POLR3C: variants seen among roughly 807,000 people sequenced by gnomAD.
The protein encoded by POLR3C is DNA-directed RNA polymerase III subunit RPC3.
POLR3C carries 44 observed loss-of-function variants against 65.9 expected under a neutral mutation model. The ratio of observed to expected loss-of-function variants is 0.67; its 90% CI spans 0.52 to 0.86. The LOEUF (loss-of-function observed/expected upper bound fraction) is 0.86. POLR3C is among the 40% of genes least tolerant of loss of function. The probability of loss-of-function intolerance (pLI) is 0.00; values close to 1 mark genes in which losing one functional copy is unlikely to be tolerated. For synonymous variants in POLR3C, 263 were observed against 231.6 expected, an observed-to-expected ratio of 1.14 and a Z score of -1.23; for missense variants, 576 against 653.2, an observed-to-expected ratio of 0.88 and a Z score of 1.29.
chr1:145,842,054 G>T (rs2101660627), intron 14 of POLR3C, among the ~76,000 whole-genome samples: 1 of 152,160 alleles, frequency 6.6e-6, no homozygotes, highest in African/African-American at 2.4e-5. Context: ...AACACACTAG[G>T]TCCTTTTATA....
chr1:145,825,962 A>G (rs1323464319), intron 2 of POLR3C, 39 bp downstream of exon 2: 1 of 1,514,824 alleles, frequency 6.6e-7, no homozygotes, highest in Non-Finnish European at 9.1e-7. Context: ...CATTTCTTTC[A>G]CTAATTTATT....
At chr1:145,840,082 A>G (rs782598575) in intron 12 of POLR3C, 34 bp from the exon 13 acceptor site, 4 of 1,575,342 alleles carry the variant, frequency 2.5e-6, no homozygotes, top group Non-Finnish European at 2.6e-6. Context: ...AAATAGAACT[A>G]TGTGCATTCC....
chr1:145,831,074 G>A (rs1651267334), intron 5 of POLR3C, among the ~76,000 whole-genome samples: 1 of 151,860 alleles, frequency 6.6e-6, no homozygotes, highest in African/African-American at 2.4e-5. Flanking sequence ...ACTACAGCCT[G>A]GGCAACAGAG....
rs1193569787 is a variant in POLR3C, at chr1:145,843,971, T to C, written c.*1551T>C. On this transcript the variant is annotated 3_prime_UTR_variant, in exon 15 of 15. Transcript: ENST00000334163. ...GAAATGGAAATCAAAATCAATGAGA[T>C]AACATCTCACCCCAATTCATTACTT... 6.6e-6 allele frequency among the ~76,000 whole-genome samples: 1 copy of C among 152,166 alleles called. No individual in the cohort carries two copies. Among genetic ancestry groups the C allele is most frequent in the Admixed American group, 6.5e-5 (1 of 15,276 alleles).
intron 7 of POLR3C, among the ~76,000 whole-genome samples, chr1:145,835,936 TGTTA>T (rs1469669109): frequency 6.6e-6 from 1 of 152,114 alleles, no homozygotes; most frequent in Non-Finnish European, 1.5e-5. Flanking sequence ...CTTCCTTTCA[TGTTA>T]GTTTCTGTAG....
intron 5 of POLR3C, among the ~76,000 whole-genome samples, chr1:145,829,848 A>G (rs963198028): frequency 6.6e-6 from 1 of 152,212 alleles, no homozygotes. Context: ...TGCTGTTTTC[A>G]TAGACTTCAA....
rs1349628567 is a variant in POLR3C at position 145,833,728 on chromosome 1, T to C, written c.876+146T>C. 6 of 645,312 alleles carry C rather than the reference T, an allele frequency of 9.3e-6. No homozygotes were observed. The African/African-American group carries it at 1.1e-4, about 12-fold the overall frequency. The allele number at this position is 645,312 out of a possible 1,614,324, so 40.0% of individuals were successfully genotyped here. ...TGGAGCAGGGATTATCTTCAAGTGA[T>C]GAGCACTGAAATGTTTGGTCTCTTA... On this transcript the variant is annotated intron_variant, in intron 7 of 14. Coordinates refer to ENST00000334163, the MANE Select transcript of POLR3C (RefSeq NM_006468.8).
At chr1:145,824,918 A>G (rs1411804873) in intron 1 of POLR3C, among the ~76,000 whole-genome samples, 2 of 152,132 alleles carry the variant, frequency 1.3e-5, no homozygotes, top group Non-Finnish European at 2.9e-5. Context: ...TGTAGAAACT[A>G]AGGTCTGTGA....
chr1:145,827,110 G>C (rs1650825467), intron 4 of POLR3C, 105 bp downstream of exon 4: 1 of 927,104 alleles, frequency 1.1e-6, no homozygotes, highest in Non-Finnish European at 1.7e-6. Flanking sequence ...TTTGCTATGT[G>C]CCAGACATCG....
chr1:145,842,168 A>C (rs1652342325), intron 14 of POLR3C, among the ~76,000 whole-genome samples, 171 bp from the exon 15 acceptor site: 1 of 152,170 alleles, frequency 6.6e-6, no homozygotes, highest in Non-Finnish European at 1.5e-5. Flanking sequence ...GGTGTCTGGC[A>C]CATAAAGATG....
rs377123407 is a variant in POLR3C at position 145,827,023 on chromosome 1, C to T, written c.589+18C>T. 40 of 1,569,284 alleles carry T rather than the reference C, an allele frequency of 2.5e-5. No individual in the cohort carries two copies. The African/African-American group carries it at 4.1e-4, about 16-fold the overall frequency. Reference sequence around the variant, plus strand: ...CTTGATAGGTAAGGAATTTTAACCCCTGGAACTGTGACTTGCCTTAATTGT... The same window carrying T: ...CTTGATAGGTAAGGAATTTTAACCCTTGGAACTGTGACTTGCCTTAATTGT... On this transcript the variant is annotated intron_variant, in intron 4 of 14. Coordinates refer to ENST00000334163, the MANE Select transcript of POLR3C (RefSeq NM_006468.8).
At chr1:145,824,428 G>T in intron 1 of POLR3C, 59 bp downstream of exon 1, 3 of 661,584 alleles carry the variant, frequency 4.5e-6, no homozygotes, top group Middle Eastern at 5.7e-4. Context: ...GACCACGTCC[G>T]AAACGGGAAC....
chr1:145,833,714 T>C (rs782653436), intron 7 of POLR3C, 132 bp downstream of exon 7: 2 of 672,742 alleles, frequency 3.0e-6, no homozygotes, highest in Non-Finnish European at 5.4e-6. Flanking sequence ...GGAGCAGGGA[T>C]TATCTTCAAG....
chr1:145,832,076 C>T (rs1651375796), intron 5 of POLR3C, among the ~76,000 whole-genome samples: 1 of 152,096 alleles, frequency 6.6e-6, no homozygotes, highest in South Asian at 2.1e-4. Flanking sequence ...AACCAAGGAG[C>T]CACATAAAGT....
chr1:145,834,657 C>T (rs1553728082), intron 7 of POLR3C, among the ~76,000 whole-genome samples: 1 of 151,842 alleles, frequency 6.6e-6, no homozygotes, highest in Non-Finnish European at 1.5e-5. Flanking sequence ...CCTCACCACA[C>T]ATGTGAGTAA....
At chr1:145,836,395 C>T in intron 7 of POLR3C, 99 bp from the exon 8 acceptor site, 2 of 756,746 alleles carry the variant, frequency 2.6e-6, no homozygotes, top group South Asian at 2.9e-5. Context: ...GTTCGGATTA[C>T]AGGCCTTAGC....
intron 8 of POLR3C, 38 bp from the exon 9 acceptor site, chr1:145,836,777 C>T (rs1651884477): frequency 1.4e-6 from 2 of 1,388,606 alleles, no homozygotes; most frequent in Non-Finnish European, 2.0e-6. Context: ...AATCACTGGA[C>T]TTTCCGTTCA....
chr1:145,830,790 C>T (rs1399504300), intron 5 of POLR3C, among the ~76,000 whole-genome samples: 3 of 144,950 alleles, frequency 2.1e-5, no homozygotes, highest in African/African-American at 7.4e-5. Context: ...CAGAGCAAGA[C>T]TCCATCTCAA....
intron 5 of POLR3C, among the ~76,000 whole-genome samples, chr1:145,829,794 G>A (rs4970859): frequency 0.28 from 43,242 of 152,050 alleles, 7,170 homozygotes; most frequent in Non-Finnish European, 0.37. Context: ...TTTGTCCCCA[G>A]ATCTTCATGT....
Sources: allele counts gnomAD v4.1 joint callset (sites outside exome capture counted in the v4.1 genomes callset), GRCh38; gene constraint gnomAD v4.1.1; transcripts MANE v1.5; gene names NCBI Gene and HGNC (gene_info 2026-07-23, HGNC 2026-07-21).